The following SHKBP1 variants were observed in gnomAD, a reference collection of about 807,000 sequenced individuals.
The protein encoded by SHKBP1 is SH3KBP1 binding protein 1.
Under a neutral mutation model 83.9 loss-of-function variants are expected in SHKBP1, and 71 were observed. That is an observed-to-expected ratio of 0.85 (90% CI 0.70 to 1.03). SHKBP1 has a LOEUF of 1.03. SHKBP1 is among the 50% of genes least tolerant of loss of function. The pLI, the probability that SHKBP1 is intolerant of heterozygous loss-of-function variation, is 0.00. For missense variants in SHKBP1, 824 were observed against 982.4 expected (o/e 0.84, Z 2.16); for synonymous variants, 371 against 398.0 (o/e 0.93, Z 0.81).
Position 40,578,211 on chromosome 19 carries a change from G to A in SHKBP1, c.318G>A (p.Leu106=). ...CCCAGTTCTATGGGCTCACTCCTCT[G>A]GGTAAGTGGGAGCCCCCAGCTATCA... is the stretch of plus-strand genomic sequence containing the variant. ...HEAQFYGLTP[L]VRRLQLREEL... is the part of the protein sequence containing the mutation. Residue 106 remains leucine (L), a splice_region_variant and synonymous_variant, in exon 5 of 18, where the codon CTG becomes CTA. Transcript: ENST00000291842. 4 of 1,613,976 alleles carry A rather than the reference G, an allele frequency of 2.5e-6. No individual in the cohort carries two copies. The highest frequency in any genetic ancestry group is 3.4e-6 in the Non-Finnish European group (4 of 1,179,904).
chr19:40,582,095 A>G (rs372038), intron 9 of SHKBP1, among the ~76,000 whole-genome samples: 2,937 of 151,890 alleles, frequency 0.019, 98 homozygotes, highest in African/African-American at 0.067. Context: ...TAATTTTTAT[A>G]TTTTTTAGTA....
At position 40,580,233 on chromosome 19, in the gene SHKBP1, G is replaced by T. The variant is rs181730629; in HGVS notation, c.401-91G>T. On this transcript the variant is annotated intron_variant, in intron 6 of 17. Transcript: ENST00000291842. ...CACCCGGAGACTATGTCCCACACAT[G>T]GGGAAATCAATCACCGTCATATTTT... The T allele has an allele frequency of 2.4e-5, 35 of 1,438,882 alleles. No homozygotes were observed. The East Asian group carries it at 7.5e-4, about 31-fold the overall frequency. 89.1% of individuals were successfully genotyped at this position (1,438,882 alleles called of 1,614,324 possible). A position where few individuals can be genotyped will look rare whatever the true frequency, so the allele number is the denominator to read the frequency against.
In SHKBP1 at chr19:40,580,394, T is replaced by G. The variant is rs754359620; in HGVS notation, c.471T>G (p.Pro157=). Residue 157 remains proline, a synonymous_variant, in exon 7 of 18, where the codon CCT becomes CCG. Transcript: ENST00000291842. ...AGCAGCTAGGAGGACGGCCAGCCCC[T>G]GTCCGACGGAGCAACACGATGCCCC... The part of the protein sequence containing the change: ...GPQQLGGRPA[P]VRRSNTMPPN... The G allele has an allele frequency of 2.5e-6, 4 of 1,614,218 alleles. No homozygotes were observed. Among genetic ancestry groups the G allele is most frequent in the Non-Finnish European group, 3.4e-6 (4 of 1,180,042 alleles).
chr19:40,577,489 G>A, intron 3 of SHKBP1, 48 bp downstream of exon 3: 1 of 1,613,988 alleles, frequency 6.2e-7, no homozygotes, highest in Non-Finnish European at 8.5e-7. Flanking sequence ...GGGTTGGTAG[G>A]AAGAGGGGCA....
intron 13 of SHKBP1, 48 bp downstream of exon 13, chr19:40,586,992 G>A (rs1463029749): frequency 2.7e-6 from 4 of 1,502,724 alleles, no homozygotes; most frequent in Non-Finnish European, 3.6e-6. Flanking sequence ...AGCTCAGATG[G>A]GAGTGTGGAG....
At chr19:40,580,195 C>T in intron 6 of SHKBP1, 129 bp from the exon 7 acceptor site, 1 of 1,079,552 alleles carries the variant, frequency 9.3e-7, no homozygotes. Flanking sequence ...GTCACTGCAC[C>T]ACTTAAAATC....
rs770424404 is a variant in SHKBP1, at chr19:40,590,447, C to T, written c.1768+25C>T. On this transcript the variant is annotated intron_variant, in intron 16 of 17. Transcript: ENST00000291842. The surrounding 1 kb of genome is among the most constrained non-coding windows in gnomAD (Gnocchi z 4.6). ...GGTACTCCCTGCCCCACCCCAATCC[C>T]GTCCCAAGCCCCACAGCCTCACCCA... 2.3e-5 allele frequency: 36 copies of T among 1,582,062 alleles called. No individual in the cohort carries two copies. In the African/African-American group the frequency reaches 3.0e-4, roughly 13 times the overall value.
chr19:40,578,534 C>T lies in SHKBP1; in HGVS notation c.392C>T (p.Pro131Leu), dbSNP rs531825444. 2.4e-5 allele frequency: 38 copies of T among 1,613,426 alleles called. No individual in the cohort carries two copies. In the Middle Eastern group the frequency reaches 1.3e-3, roughly 56 times the overall value. ...AACGTCCTCTTCAATGGTTACCTGCCGCCACCAGGTAGGCACTCCCAATGG... is the reference window on the plus strand; with the variant it reads ...AACGTCCTCTTCAATGGTTACCTGCTGCCACCAGGTAGGCACTCCCAATGG... ...CGNVLFNGYL[P>L]PPVFPVKRRN... The change falls in exon 6 of 18, where the codon CCG becomes CTG. Residue 131 changes from proline (P) to leucine (L), a missense_variant. Physicochemically the swap from Pro to Leu is moderately conservative, Grantham distance 98. Transcript: ENST00000291842.
At chr19:40,579,248 C>G (rs1358179894) in intron 6 of SHKBP1, among the ~76,000 whole-genome samples, 1 of 152,016 alleles carries the variant, frequency 6.6e-6, no homozygotes, top group Non-Finnish European at 1.5e-5. Context: ...CACTGAGTAG[C>G]TGAGACTACA....
intron 2 of SHKBP1, 38 bp downstream of exon 2, chr19:40,577,322 G>A (rs2081224138): frequency 6.2e-7 from 1 of 1,613,866 alleles, no homozygotes; most frequent in Non-Finnish European, 8.5e-7. Context: ...GGGTAGGAGG[G>A]ATGGAGAGGG....
chr19:40,591,129 A>G lies in SHKBP1; in HGVS notation c.2046A>G (p.Thr682=), dbSNP rs373745964. The change falls in exon 18 of 18, where the codon ACA becomes ACG. Residue 682 remains threonine, a synonymous_variant. Transcript: ENST00000291842. ...GGCCAGACCTCCGACGGCCACCCAC[A>G]CCAGCCCCGTGGCCCTCCAGCGGTC... ...RSGPDLRRPP[T]PAPWPSSGLG... 1.7e-5 allele frequency: 27 copies of G among 1,608,074 alleles called. No homozygotes were observed. In the African/African-American group the frequency reaches 2.1e-4, roughly 13 times the overall value.
At position 40,590,690 on chromosome 19, in the gene SHKBP1, C is replaced by A. The variant is rs764006242; in HGVS notation, c.1769-40C>A. On this transcript the variant is annotated intron_variant, in intron 16 of 17. Transcript: ENST00000291842. The surrounding 1 kb of genome is among the most constrained non-coding windows in gnomAD (Gnocchi z 4.6). ...TGCAACCCAGGCCCTTGCCCTATGA[C>A]CCCTGTCTTGCCCCCTGACCCTGCT... 1.9e-6 allele frequency: 3 copies of A among 1,546,148 alleles called. No individual in the cohort carries two copies. The highest frequency in any genetic ancestry group is 1.2e-5 in the South Asian group (1 of 82,814).
At chr19:40,580,997 G>T (rs2081265576) in intron 9 of SHKBP1, 61 bp downstream of exon 9, 1 of 1,447,800 alleles carries the variant, frequency 6.9e-7, no homozygotes, top group African/African-American at 1.4e-5. Flanking sequence ...CTGTTAAAAT[G>T]ACCCACCCCA....
chr19:40,583,762 C>T, intron 12 of SHKBP1, 45 bp downstream of exon 12: 1 of 1,442,222 alleles, frequency 6.9e-7, no homozygotes, highest in Non-Finnish European at 9.8e-7. Flanking sequence ...CCTGCCAGCC[C>T]CAGCCCCAGC....
chr19:40,586,711 C>A, intron 12 of SHKBP1, 63 bp from the exon 13 acceptor site: 1 of 1,412,814 alleles, frequency 7.1e-7, no homozygotes, highest in South Asian at 1.5e-5. Context: ...CTGTTTCTTT[C>A]TCCCTGCCCT....
intron 9 of SHKBP1, among the ~76,000 whole-genome samples, chr19:40,581,530 A>G (rs955090016): frequency 8.4e-6 from 1 of 118,404 alleles, no homozygotes; most frequent in Admixed American, 7.9e-5. Context: ...TCTCAAAAAA[A>G]AAAAAAAAAC....
rs1173346442 is a variant in SHKBP1, at chr19:40,577,405, C to G, written c.150C>G (p.Ser50Arg). 6.2e-7 allele frequency: 1 copy of G among 1,613,556 alleles called. No homozygotes were observed. Among genetic ancestry groups the G allele is most frequent in the Non-Finnish European group, 8.5e-7 (1 of 1,179,864 alleles). Residue 50 changes from serine (S) to arginine (R), a missense_variant, in exon 3 of 18, where the codon AGC (serine) becomes AGG (arginine). Ser to Arg is a moderately radical substitution (Grantham distance 110). This residue lies in a region of SHKBP1 where 355 missense variants were observed against 386.4 expected (regional missense o/e 0.92). Coordinates refer to ENST00000291842, the MANE Select transcript of SHKBP1 (RefSeq NM_138392.4). ...IPDSFFSSLL[S>R]GRISTLKDET... is the part of the protein sequence containing the mutation. The stretch of plus-strand genomic sequence containing the variant: ...TGTCCCTTCCCTGCAGTCTTCTGAG[C>G]GGACGCATCTCGACGCTGAAAGATG...
In SHKBP1 at chr19:40,591,120, G is replaced by C. The variant is rs756906045; in HGVS notation, c.2037G>C (p.Arg679=). ...ELVRSGPDLR[R]PPTPAPWPSS... The stretch of plus-strand genomic sequence containing the variant: ...TGCGGAGTGGGCCAGACCTCCGACG[G>C]CCACCCACACCAGCCCCGTGGCCCT... Residue 679 remains arginine, a synonymous_variant, in exon 18 of 18, where the codon CGG becomes CGC. Transcript: ENST00000291842. 6.2e-7 allele frequency: 1 copy of C among 1,608,912 alleles called. No homozygotes were observed. The highest frequency in any genetic ancestry group is 8.5e-7 in the Non-Finnish European group (1 of 1,175,886).
At chr19:40,581,540 CA>C (rs1425094216) in intron 9 of SHKBP1, among the ~76,000 whole-genome samples, 1 of 145,320 alleles carries the variant, frequency 6.9e-6, no homozygotes, top group Admixed American at 6.9e-5. Context: ...AAAAAAAAAA[CA>C]AAAAAAGAAA....
Sources: gnomAD v4.1 joint callset for allele counts (sites outside exome capture counted in the v4.1 genomes callset) on GRCh38, gnomAD v4.1.1 for gene constraint, gnomAD v4.1.1 regional missense constraint, Gnocchi (gnomAD v3.1) non-coding constraint, MANE v1.5 for transcripts, NCBI Gene and HGNC (gene_info 2026-07-23, HGNC 2026-07-21) for gene names.